SLC15A4: variants seen among roughly 807,000 people sequenced by gnomAD.
SLC15A4 encodes solute carrier family 15 member 4.
A neutral mutation model predicts 46.1 loss-of-function variants in SLC15A4; 26 were observed. That is an observed-to-expected ratio of 0.56 (90% confidence interval 0.41 to 0.78). The LOEUF (loss-of-function observed/expected upper bound fraction) is 0.78, where lower values mean the gene tolerates loss of function less well. SLC15A4 is among the 30% of genes least tolerant of loss of function. SLC15A4 has a pLI of 0.00. For missense variants in SLC15A4, 751 were observed against 755.7 expected (o/e 0.99, Z 0.07); for synonymous variants, 370 against 333.4 (o/e 1.11, Z -1.20).
intron 3 of SLC15A4, 93 bp from the exon 4 acceptor site, chr12:128,809,566 C>T (rs1484045063): frequency 3.9e-5 from 29 of 738,188 alleles, no homozygotes; most frequent in South Asian, 7.4e-5. Context: ...GACTCAGATG[C>T]GACACACAGT....
chr12:128,816,941 A>G (rs970435279), intron 1 of SLC15A4, among the ~76,000 whole-genome samples: 1 of 152,246 alleles, frequency 6.6e-6, no homozygotes. Context: ...AGTAAAATTT[A>G]TAGTTAAAAT....
chr12:128,800,479 C>G (rs1262002443), intron 6 of SLC15A4, among the ~76,000 whole-genome samples: 1 of 152,226 alleles, frequency 6.6e-6, no homozygotes, highest in Non-Finnish European at 1.5e-5. Context: ...AAAATTAGAT[C>G]TGCTTCTTTA....
chr12:128,823,352 C>G, intron 1 of SLC15A4, 46 bp downstream of exon 1: 1 of 1,350,922 alleles, frequency 7.4e-7, no homozygotes, highest in South Asian at 1.8e-5. Flanking sequence ...TGGGGCTGGG[C>G]AGGGGCTGGA....
intron 1 of SLC15A4, among the ~76,000 whole-genome samples, chr12:128,822,890 CCAAGCTAGAGTG>C (rs1253877871): frequency 6.6e-6 from 1 of 151,658 alleles, no homozygotes; most frequent in Non-Finnish European, 1.5e-5. Context: ...ACTCTGTTAC[CCAAGCTAGAGTG>C]CACTGGTGTG....
chr12:128,822,291 T>C (rs1264270917), intron 1 of SLC15A4, among the ~76,000 whole-genome samples: 1 of 152,238 alleles, frequency 6.6e-6, no homozygotes, highest in Non-Finnish European at 1.5e-5. Context: ...CTCATTTTCA[T>C]CTGAGCTTTC....
chr12:128,823,000 G>A (rs1449702592), intron 1 of SLC15A4, among the ~76,000 whole-genome samples: 1 of 151,852 alleles, frequency 6.6e-6, no homozygotes, highest in Non-Finnish European at 1.5e-5. Flanking sequence ...CTCCACGGAG[G>A]GCAAATTTTT....
intron 2 of SLC15A4, among the ~76,000 whole-genome samples, chr12:128,811,577 C>G (rs1955656608): frequency 6.6e-6 from 1 of 152,140 alleles, no homozygotes; most frequent in African/African-American, 2.4e-5. Context: ...CAAAAACACC[C>G]AAAAGTGAAA....
At chr12:128,804,869 A>G (rs1955565153) in intron 5 of SLC15A4, among the ~76,000 whole-genome samples, 1 of 152,254 alleles carries the variant, frequency 6.6e-6, no homozygotes, top group East Asian at 1.9e-4. Context: ...CCTACAGAGA[A>G]AAAGAGAGTA....
At position 128,823,473 on chromosome 12, in the gene SLC15A4, G is replaced by T. The variant is rs942062220; in HGVS notation, c.471C>A (p.Thr157=). 2 of 1,483,506 alleles carry T rather than the reference G, an allele frequency of 1.3e-6. No individual in the cohort carries two copies. Among genetic ancestry groups the T allele is most frequent in the Admixed American group, 4.5e-5 (2 of 44,340 alleles). 91.9% of individuals were successfully genotyped at this position (1,483,506 alleles called of 1,614,324 possible). A position where few individuals can be genotyped will look rare whatever the true frequency, so the allele number is the denominator to read the frequency against. The stretch of plus-strand genomic sequence containing the variant: ...GGCCCACCAGCACCAGCCCCGCGAA[G>T]GTGGCCGGTGAGCAGCAGCGGGCGG... ...DAAARCCSPA[T]FAGLVLVGLG... The change falls in exon 1 of 8, where the codon ACC becomes ACA. Residue 157 remains threonine (T), a synonymous_variant. Transcript: ENST00000266771.
At position 128,823,505 on chromosome 12, in the gene SLC15A4, C is replaced by CG; in HGVS notation, c.438dup (p.Asp147ArgfsTer38). 1 of 1,483,606 alleles carries CG rather than the reference C, an allele frequency of 6.7e-7. No homozygotes were observed. Among genetic ancestry groups the CG allele is most frequent in the South Asian group, 1.3e-5 (1 of 78,786 alleles). The allele number at this position is 1,483,606 out of a possible 1,614,324, so 91.9% of individuals were successfully genotyped here. A position where few individuals can be genotyped will look rare whatever the true frequency, so the allele number is the denominator to read the frequency against. On this transcript the variant is annotated frameshift_variant, in exon 1 of 8. Transcript: ENST00000266771. LOFTEE classifies it high-confidence loss of function. ...GGTGAGCAGCAGCGGGCGGCGGCGT[C>CG]GGGACCAGGCGCCGTGCAGTTGAGC...
At chr12:128,820,311 G>C (rs1955815243) in intron 1 of SLC15A4, among the ~76,000 whole-genome samples, 1 of 152,192 alleles carries the variant, frequency 6.6e-6, no homozygotes, top group African/African-American at 2.4e-5. Flanking sequence ...ACTACCTACA[G>C]GCAGTAAGAA....
At chr12:128,806,796 C>T (rs1393707224) in intron 5 of SLC15A4, among the ~76,000 whole-genome samples, 1 of 152,124 alleles carries the variant, frequency 6.6e-6, no homozygotes, top group Non-Finnish European at 1.5e-5. Context: ...AGAGCGCATG[C>T]CTCCCCATAG....
At chr12:128,815,184 C>T in intron 1 of SLC15A4, 114 bp from the exon 2 acceptor site, 3 of 982,650 alleles carry the variant, frequency 3.1e-6, no homozygotes, top group Non-Finnish European at 3.0e-6. Flanking sequence ...TTAAGAAGCG[C>T]AACACAATCA....
intron 2 of SLC15A4, chr12:128,810,415 C>A: frequency 6.1e-6 from 2 of 328,014 alleles, no homozygotes; most frequent in Non-Finnish European, 1.1e-5. Flanking sequence ...AGAGCCCCAG[C>A]GCAGCTGCCA....
intron 2 of SLC15A4, chr12:128,813,377 T>C (rs1181420573): frequency 6.6e-6 from 1 of 152,122 alleles, no homozygotes; most frequent in Non-Finnish European, 1.5e-5. Context: ...GAATTATGTG[T>C]CTGAATGCCA....
chr12:128,801,275 T>C (rs1327969754), intron 5 of SLC15A4: 2 of 309,606 alleles, frequency 6.5e-6, no homozygotes, highest in Non-Finnish European at 1.2e-5. Context: ...ACATGTTTCA[T>C]TTAATCCTCA....
rs1447141066 is a variant in SLC15A4, at chr12:128,816,947, A to C, written c.547-1877T>G. ...AATCAGAGGAGTAAAATTTATAGTT[A>C]AAATTGTGTGTTCCTCTCTAAAGGA... is the stretch of plus-strand genomic sequence containing the variant. On this transcript the variant is annotated intron_variant, in intron 1 of 7. Transcript: ENST00000266771. 2.0e-5 allele frequency among the ~76,000 whole-genome samples: 3 copies of C among 152,342 alleles called. No individual in the cohort carries two copies. The East Asian group carries it at 5.8e-4, about 29-fold the overall frequency.
chr12:128,820,929 T>C (rs1955826420), intron 1 of SLC15A4, among the ~76,000 whole-genome samples: 1 of 152,192 alleles, frequency 6.6e-6, no homozygotes, highest in Non-Finnish European at 1.5e-5. Flanking sequence ...GTTTGGGTCA[T>C]GGGGACGGAT....
intron 3 of SLC15A4, 82 bp downstream of exon 3, chr12:128,809,861 A>T: frequency 7.1e-7 from 1 of 1,401,710 alleles, no homozygotes; most frequent in Non-Finnish European, 9.7e-7. Flanking sequence ...AGTCCTACCT[A>T]CTTTAGAAAT....
Sources: allele counts gnomAD v4.1 joint callset (sites outside exome capture counted in the v4.1 genomes callset), GRCh38; gene constraint gnomAD v4.1.1; transcripts MANE v1.5; gene names NCBI Gene and HGNC (gene_info 2026-07-23, HGNC 2026-07-21).